Variants in DPH6 observed in about 807,000 individuals in gnomAD.
DPH6 encodes the protein diphthine--ammonia ligase.
DPH6 carries 33 observed loss-of-function variants against 38.2 expected under a neutral mutation model. The ratio of observed to expected loss-of-function variants is 0.86; its 90% confidence interval spans 0.65 to 1.15. The LOEUF is 1.15. Ranked by LOEUF, DPH6 falls within the 50% of genes most tolerant of loss-of-function variation. The probability of loss-of-function intolerance (pLI) is 0.00; values close to 1 mark genes in which losing one functional copy is unlikely to be tolerated. For missense variants in DPH6, 325 were observed against 320.0 expected (o/e 1.02, Z -0.12); for synonymous variants, 108 against 103.0 (o/e 1.05, Z -0.30).
chr15:35,460,208 A>G (rs2054047151), intron 3 of DPH6, among the ~76,000 whole-genome samples: 1 of 152,212 alleles, frequency 6.6e-6, no homozygotes, highest in African/African-American at 2.4e-5. Flanking sequence ...CCAGTTCTTC[A>G]AAGAATGAAT....
At chr15:35,188,335 C>T in the DPH6 span, among the ~76,000 whole-genome samples, 3 of 152,120 alleles carry the variant, frequency 2.0e-5, no homozygotes, top group Non-Finnish European at 4.4e-5. Flanking sequence ...AGCATGTGTA[C>T]AACTCCAGTA....
intron 3 of DPH6, among the ~76,000 whole-genome samples, chr15:35,274,353 A>G (rs920525060): frequency 3.3e-5 from 5 of 151,898 alleles, no homozygotes; most frequent in Non-Finnish European, 5.9e-5. Context: ...CAAAGACTTC[A>G]TAACTAAAAA....
At chr15:35,270,477 A>AT (rs201840139) in intron 3 of DPH6, among the ~76,000 whole-genome samples, 2,618 of 152,188 alleles carry the variant, frequency 0.017, 23 homozygotes, top group Non-Finnish European at 0.026. Context: ...AAGGTTATAC[A>AT]TTTTTTCTAG....
chr15:35,285,872 G>GTTTTTTTTTT (rs67243158), intron 3 of DPH6, among the ~76,000 whole-genome samples: 531 of 52,806 alleles, frequency 0.01, 147 homozygotes, highest in East Asian at 0.021. Flanking sequence ...TTATCTTTGA[G>GTTTTTTTTTT]TTTTTTTTTT....
At chr15:35,469,766 T>C (rs775376413) in intron 3 of DPH6, among the ~76,000 whole-genome samples, 2 of 152,192 alleles carry the variant, frequency 1.3e-5, no homozygotes, top group Admixed American at 6.5e-5. Context: ...AACATAAATG[T>C]GTATACCAGT....
chr15:35,318,955 T>C (rs980786480), intron 3 of DPH6, among the ~76,000 whole-genome samples: 6 of 152,280 alleles, frequency 3.9e-5, no homozygotes, highest in East Asian at 1.9e-4. Context: ...AACTTTGTTA[T>C]TGAAAAAGAG....
intron 3 of DPH6, among the ~76,000 whole-genome samples, chr15:35,314,734 A>G (rs78518076): frequency 0.026 from 3,932 of 152,334 alleles, 75 homozygotes; most frequent in Non-Finnish European, 0.04. Flanking sequence ...AAAAAGCTAG[A>G]TAAGTGGGTG....
At chr15:35,317,957 TGAA>T (rs1490102785) in intron 3 of DPH6, among the ~76,000 whole-genome samples, 9 of 151,086 alleles carry the variant, frequency 6.0e-5, no homozygotes, top group Admixed American at 2.6e-4. Context: ...AACAGAATAA[TGAA>T]GAATGCCTAA....
chr15:35,503,563 T>C (rs187904458), intron 3 of DPH6, among the ~76,000 whole-genome samples: 4 of 152,292 alleles, frequency 2.6e-5, no homozygotes, highest in Non-Finnish European at 5.9e-5. Flanking sequence ...TTTTTAAACA[T>C]ACCCTTATTC....
chr15:35,176,395 C>A, the DPH6 span, among the ~76,000 whole-genome samples: 1 of 151,930 alleles, frequency 6.6e-6, no homozygotes, highest in Non-Finnish European at 1.5e-5. Flanking sequence ...TGGCTATTGC[C>A]AGGCCTAACT....
intron 3 of DPH6, among the ~76,000 whole-genome samples, chr15:35,275,223 A>G (rs906241657): frequency 4.6e-5 from 7 of 152,108 alleles, no homozygotes; most frequent in Non-Finnish European, 1.0e-4. Flanking sequence ...CTGATTATAA[A>G]TCATTCTACT....
chr15:35,226,862 C>G (rs997032013), intron 3 of DPH6, among the ~76,000 whole-genome samples: 1 of 152,120 alleles, frequency 6.6e-6, no homozygotes, highest in Non-Finnish European at 1.5e-5. Flanking sequence ...AGTATTCCCT[C>G]CTCATCTATT....
At chr15:35,455,722 TA>T (rs1281836972) in intron 3 of DPH6, among the ~76,000 whole-genome samples, 2 of 152,066 alleles carry the variant, frequency 1.3e-5, no homozygotes, top group African/African-American at 4.8e-5. Context: ...AGAAAGTGAC[TA>T]GGGGGTGATT....
At chr15:35,382,665 T>A (rs1034190151) in intron 6 of DPH6, among the ~76,000 whole-genome samples, 1 of 152,126 alleles carries the variant, frequency 6.6e-6, no homozygotes, top group Non-Finnish European at 1.5e-5. Context: ...ATATAAGGCC[T>A]TTCCTTAGGC....
rs1031590241 is a variant in DPH6, at chr15:35,255,077, G to A, written n.201-34495C>T. On this transcript the variant is annotated intron_variant and non_coding_transcript_variant, in intron 3 of 3. Transcript: ENST00000560386. ...TATACGTGCAAGCCACAGGGGATGC[G>A]ATGGCCTGGGCTCAGAGGCCTGACA... Among the ~76,000 whole-genome samples, 7 of 152,272 alleles carry A rather than the reference G, an allele frequency of 4.6e-5. No homozygotes were observed. The East Asian group carries it at 5.8e-4, about 13-fold the overall frequency.
intron 6 of DPH6, among the ~76,000 whole-genome samples, chr15:35,388,167 C>T (rs977105592): frequency 6.6e-6 from 1 of 152,122 alleles, no homozygotes; most frequent in African/African-American, 2.4e-5. Context: ...TATGTTGAAC[C>T]AGCCTTGCAT....
chr15:35,385,952 C>T (rs1044723062), intron 6 of DPH6, among the ~76,000 whole-genome samples: 3 of 151,772 alleles, frequency 2.0e-5, no homozygotes, highest in African/African-American at 7.3e-5. Flanking sequence ...CCCATTAACT[C>T]TTCATTTAGC....
At chr15:35,194,248 G>A in the DPH6 span, among the ~76,000 whole-genome samples, 1 of 152,060 alleles carries the variant, frequency 6.6e-6, no homozygotes, top group South Asian at 2.1e-4. Flanking sequence ...AGAGCCTGGG[G>A]TTTCCTGACA....
Position 35,281,690 on chromosome 15 carries a change from T to A in DPH6, n.201-61108A>T, listed in dbSNP as rs186668608. ...CAGGCTGGGGAGAAAAAGGCTCCAG[T>A]CATACATTCATTCCTAAAATATTTA... On this transcript the variant is annotated intron_variant and non_coding_transcript_variant, in intron 3 of 3. Coordinates refer to the DPH6 transcript ENST00000560386. 3.1e-3 allele frequency among the ~76,000 whole-genome samples: 471 copies of A among 152,314 alleles called. 3 individuals carry two copies. The highest frequency in any genetic ancestry group is 8.2e-3 in the Admixed American group (126 of 15,302).
Sources: allele counts gnomAD v4.1 joint callset (sites outside exome capture counted in the v4.1 genomes callset), GRCh38; gene constraint gnomAD v4.1.1; transcripts MANE v1.5; gene names NCBI Gene and HGNC (gene_info 2026-07-23, HGNC 2026-07-21).